MYCBP2: variants seen among roughly 807,000 people sequenced by gnomAD.
The protein encoded by MYCBP2 is MYC binding protein 2.
In MYCBP2, 120 loss-of-function variants were observed where a neutral mutation model predicts 525.3. The observed-to-expected ratio is 0.23, with a 90% confidence interval of 0.20 to 0.27. The LOEUF is 0.27. Ranked by LOEUF, MYCBP2 falls within the 10% of genes least tolerant of loss-of-function variation. The pLI is 1.00. For synonymous variants in MYCBP2, 1,894 were observed against 1,955.8 expected, an observed-to-expected ratio of 0.97 and a Z score of 0.83; for missense variants, 4,149 against 5,657.1, an observed-to-expected ratio of 0.73 and a Z score of 8.55.
intron 82 of MYCBP2, among the ~76,000 whole-genome samples, chr13:77,047,815 G>A (rs979296448): frequency 2.0e-5 from 3 of 152,198 alleles, no homozygotes; most frequent in East Asian, 1.9e-4. Context: ...CCAGGGTCCC[G>A]GGCCAAGCTG....
intron 40 of MYCBP2, 89 bp downstream of exon 40, chr13:77,168,339 G>T: frequency 9.3e-7 from 1 of 1,077,524 alleles, no homozygotes; most frequent in Non-Finnish European, 1.4e-6. Flanking sequence ...AAATACACTT[G>T]TAAATACAGG....
At chr13:77,140,424 G>A (rs528908833) in intron 50 of MYCBP2, among the ~76,000 whole-genome samples, 6 of 152,266 alleles carry the variant, frequency 3.9e-5, no homozygotes, top group South Asian at 2.1e-4. Context: ...CTGAAGATAC[G>A]TGTTAAGAAG....
chr13:77,259,607 T>C (rs1294253068), intron 13 of MYCBP2, among the ~76,000 whole-genome samples: 1 of 152,236 alleles, frequency 6.6e-6, no homozygotes, highest in African/African-American at 2.4e-5. Context: ...TTAAGCCAGT[T>C]CACTTATCAT....
At chr13:77,318,724 G>A (rs1171631587) in intron 1 of MYCBP2, among the ~76,000 whole-genome samples, 1 of 152,152 alleles carries the variant, frequency 6.6e-6, no homozygotes, top group African/African-American at 2.4e-5. Flanking sequence ...ACTGCACTCT[G>A]GCCTGGGTGA....
chr13:77,192,642 C>T (rs2061393649), intron 27 of MYCBP2, among the ~76,000 whole-genome samples: 1 of 152,116 alleles, frequency 6.6e-6, no homozygotes, highest in Non-Finnish European at 1.5e-5. Flanking sequence ...TTATTAATTT[C>T]ATTAATGCAT....
At chr13:77,085,922 A>G (rs550669258) in intron 62 of MYCBP2, among the ~76,000 whole-genome samples, 1 of 152,312 alleles carries the variant, frequency 6.6e-6, no homozygotes, top group African/African-American at 2.4e-5. Context: ...TAGCTGTTAC[A>G]GGTATATGAC....
At chr13:77,236,506 T>C (rs1251548601) in intron 17 of MYCBP2, among the ~76,000 whole-genome samples, 3 of 152,202 alleles carry the variant, frequency 2.0e-5, no homozygotes, top group Non-Finnish European at 4.4e-5. Context: ...AACTCTAAAA[T>C]ATTTTTAAAG....
intron 49 of MYCBP2, among the ~76,000 whole-genome samples, chr13:77,143,016 T>A (rs551076909): frequency 6.6e-6 from 1 of 152,204 alleles, no homozygotes; most frequent in Non-Finnish European, 1.5e-5. Context: ...TTGAGGAGCA[T>A]CAGGAAAAAT....
intron 1 of MYCBP2, among the ~76,000 whole-genome samples, chr13:77,300,049 T>C (rs2078606072): frequency 6.6e-6 from 1 of 152,224 alleles, no homozygotes; most frequent in Admixed American, 6.5e-5. Context: ...ACCAAAAATG[T>C]AGTCATAATT....
rs1594093930 is a variant in MYCBP2, at chr13:77,225,417, T to C, written c.2857+18A>G. On this transcript the variant is annotated intron_variant, in intron 19 of 82. Coordinates refer to ENST00000544440, the MANE Select transcript of MYCBP2 (RefSeq NM_015057.5). The stretch of plus-strand genomic sequence containing the variant: ...CAATTGTAAAAACGCAGTTATACCC[T>C]AAAGTTCCAGCCGCTACCTGAATGG... The C allele has an allele frequency of 6.2e-7, 1 of 1,613,274 alleles. No individual in the cohort carries two copies. Among genetic ancestry groups the C allele is most frequent in the African/African-American group, 1.3e-5 (1 of 74,892 alleles).
intron 38 of MYCBP2, among the ~76,000 whole-genome samples, chr13:77,170,042 G>T (rs2058985758): frequency 6.6e-6 from 1 of 152,142 alleles, no homozygotes; most frequent in Non-Finnish European, 1.5e-5. Context: ...AGAACCTAGG[G>T]TAATGGAGTC....
intron 6 of MYCBP2, 97 bp from the exon 7 acceptor site, chr13:77,270,160 T>C: frequency 7.0e-7 from 1 of 1,433,838 alleles, no homozygotes. Flanking sequence ...TGCATGTATT[T>C]CAATTATGGT....
chr13:77,152,634 C>A (rs964156399), intron 46 of MYCBP2, among the ~76,000 whole-genome samples: 2 of 152,166 alleles, frequency 1.3e-5, no homozygotes, highest in African/African-American at 4.8e-5. Flanking sequence ...TGATGAGACG[C>A]GCGGCTTAAC....
In MYCBP2 at chr13:77,076,858, G is replaced by A; in HGVS notation, c.11725-9C>T. On this transcript the variant is annotated splice_polypyrimidine_tract_variant and intron_variant, in intron 67 of 82. Coordinates refer to ENST00000544440, the MANE Select transcript of MYCBP2 (RefSeq NM_015057.5). ...ATGAGCTTTCCAAATACCTGATGAAGATATGCATGTGAGAAGGAATTAATG... is the reference window on the plus strand; with the variant it reads ...ATGAGCTTTCCAAATACCTGATGAAAATATGCATGTGAGAAGGAATTAATG... 6.3e-7 allele frequency: 1 copy of A among 1,586,052 alleles called. No individual in the cohort carries two copies. The highest frequency in any genetic ancestry group is 1.1e-5 in the South Asian group (1 of 89,532).
intron 47 of MYCBP2, among the ~76,000 whole-genome samples, chr13:77,147,639 G>A (rs984463383): frequency 6.6e-6 from 1 of 152,014 alleles, no homozygotes; most frequent in Non-Finnish European, 1.5e-5. Context: ...AGTTACACAT[G>A]AGAAAAACGC....
intron 62 of MYCBP2, among the ~76,000 whole-genome samples, chr13:77,085,947 A>G (rs1004619632): frequency 4.6e-5 from 7 of 152,180 alleles, no homozygotes; most frequent in African/African-American, 1.7e-4. Context: ...TCACATTGTA[A>G]CTGTAGACTG....
intron 44 of MYCBP2, among the ~76,000 whole-genome samples, chr13:77,160,600 G>A (rs910770816): frequency 6.6e-6 from 1 of 152,154 alleles, no homozygotes; most frequent in Non-Finnish European, 1.5e-5. Context: ...ATAATTGTAA[G>A]ATGCAAGACC....
chr13:77,085,374 A>C (rs187023132), intron 62 of MYCBP2, among the ~76,000 whole-genome samples: 5 of 152,272 alleles, frequency 3.3e-5, no homozygotes, highest in African/African-American at 1.2e-4. Flanking sequence ...CAATTTCCAT[A>C]GACATTTGTG....
In MYCBP2 at chr13:77,165,335, C is replaced by T. The variant is rs752686944; in HGVS notation, c.6397G>A (p.Ala2133Thr). 4.3e-6 allele frequency: 7 copies of T among 1,612,248 alleles called. No homozygotes were observed. Among genetic ancestry groups the T allele is most frequent in the Non-Finnish European group, 5.9e-6 (7 of 1,179,320 alleles). The change falls in exon 42 of 83, where the codon GCT becomes ACT. Residue 2133 changes from alanine (A) to threonine (T), a missense_variant. Transcript: ENST00000544440. ...AAACACTTAAAACCATAGAAAGAAG[C>T]TTTGTCATCTTTCACATAATCTGAT... ...TASDYVKDDK[A>T]SFYGFKCFAI... is the part of the protein sequence containing the mutation.
Sources: allele counts gnomAD v4.1 joint callset (sites outside exome capture counted in the v4.1 genomes callset), GRCh38; gene constraint gnomAD v4.1.1; transcripts MANE v1.5; gene names NCBI Gene and HGNC (gene_info 2026-07-23, HGNC 2026-07-21).